GPC5: variants seen among roughly 807,000 people sequenced by gnomAD.
GPC5 encodes the protein glypican-5.
In GPC5, 47 loss-of-function variants were observed where a neutral mutation model predicts 53.9. The observed-to-expected ratio is 0.87, with a 90% CI of 0.69 to 1.11. The LOEUF (loss-of-function observed/expected upper bound fraction) is 1.11. Ranked by LOEUF, GPC5 falls within the 50% of genes most tolerant of loss-of-function variation. The pLI is 0.00. For missense variants in GPC5, 748 were observed against 713.1 expected (o/e 1.05, Z -0.56); for synonymous variants, 286 against 263.3 (o/e 1.09, Z -0.84).
At chr13:92,494,311 G>C (rs541190608) in intron 7 of GPC5, among the ~76,000 whole-genome samples, 35 of 152,180 alleles carry the variant, frequency 2.3e-4, no homozygotes, top group Non-Finnish European at 4.3e-4. Flanking sequence ...GGATGGTCTC[G>C]ATCTCCTGAC....
chr13:91,502,163 A>G lies in GPC5; in HGVS notation c.325+53241A>G, dbSNP rs184153433. On this transcript the variant is annotated intron_variant, in intron 2 of 7. Transcript: ENST00000377067. ...GATATTAGCCCTTTGTCAGATGAGT[A>G]GATTGCAAAAATTTTCTCCCATTCT... Among the ~76,000 whole-genome samples, 1,126 of 152,204 alleles carry G rather than the reference A, an allele frequency of 7.4e-3. 15 individuals are homozygous for G. Among genetic ancestry groups the G allele is most frequent in the African/African-American group, 0.025 (1,018 of 41,524 alleles).
intron 6 of GPC5, among the ~76,000 whole-genome samples, chr13:92,061,064 TG>T (rs1418422446): frequency 1.3e-5 from 2 of 149,346 alleles, no homozygotes; most frequent in East Asian, 4.1e-4. Context: ...TATGGTGGTT[TG>T]TATAGACCCC....
chr13:92,352,448 A>G (rs1478661426), intron 7 of GPC5, among the ~76,000 whole-genome samples: 4 of 152,228 alleles, frequency 2.6e-5, no homozygotes, highest in East Asian at 1.9e-4. Context: ...AAACTTGGAT[A>G]ATTGTACACA....
chr13:92,426,867 T>C (rs191332918), intron 7 of GPC5, among the ~76,000 whole-genome samples: 6 of 152,122 alleles, frequency 3.9e-5, no homozygotes, highest in Admixed American at 2.0e-4. Flanking sequence ...TACTTAACTG[T>C]AGAGAATTAA....
intron 7 of GPC5, among the ~76,000 whole-genome samples, chr13:92,614,865 T>G (rs1467095145): frequency 6.6e-6 from 1 of 152,224 alleles, no homozygotes; most frequent in Non-Finnish European, 1.5e-5. Context: ...CAAGTTCGAA[T>G]TGCAGATCTA....
intron 5 of GPC5, among the ~76,000 whole-genome samples, chr13:91,904,915 C>T (rs1201116291): frequency 5.9e-5 from 9 of 152,014 alleles, no homozygotes; most frequent in Admixed American, 3.9e-4. Flanking sequence ...CCCTGTGTCT[C>T]CTAATGAGGG....
At chr13:91,573,851 T>C (rs2032035278) in intron 2 of GPC5, among the ~76,000 whole-genome samples, 1 of 152,118 alleles carries the variant, frequency 6.6e-6, no homozygotes. Context: ...AAATGAAAAT[T>C]TATCCCTCTT....
chr13:92,159,557 G>A (rs1254486605), intron 7 of GPC5, among the ~76,000 whole-genome samples: 1 of 140,992 alleles, frequency 7.1e-6, no homozygotes, highest in East Asian at 2.2e-4. Context: ...TTAAAAACTA[G>A]AATTGCTGCT....
chr13:92,610,004 C>G (rs12870292), intron 7 of GPC5, among the ~76,000 whole-genome samples: 1 of 118,974 alleles, frequency 8.4e-6, no homozygotes, highest in Non-Finnish European at 1.6e-5. Flanking sequence ...GCACTCCAGT[C>G]TGAGCAACAG....
At chr13:92,559,528 A>G (rs1001443449) in intron 7 of GPC5, among the ~76,000 whole-genome samples, 4 of 151,580 alleles carry the variant, frequency 2.6e-5, no homozygotes, top group Non-Finnish European at 5.9e-5. Flanking sequence ...AAATGAACCA[A>G]TCTAGAGCCA....
chr13:91,872,765 C>G (rs1461285151), intron 5 of GPC5, among the ~76,000 whole-genome samples: 1 of 152,062 alleles, frequency 6.6e-6, no homozygotes, highest in African/African-American at 2.4e-5. Context: ...ATTTTATATA[C>G]ATCGTGCTTT....
At chr13:92,166,695 T>C (rs1331641325) in intron 7 of GPC5, among the ~76,000 whole-genome samples, 5 of 152,132 alleles carry the variant, frequency 3.3e-5, no homozygotes, top group African/African-American at 1.2e-4. Context: ...GAAAAGAGAA[T>C]AGAATACCCT....
intron 6 of GPC5, among the ~76,000 whole-genome samples, chr13:92,135,232 T>C (rs920901820): frequency 4.2e-4 from 64 of 152,156 alleles, no homozygotes; most frequent in Admixed American, 1.3e-4. Context: ...GTTTGCTTTT[T>C]CACAAATTTT....
intron 7 of GPC5, among the ~76,000 whole-genome samples, chr13:92,221,330 A>T (rs2042446932): frequency 6.6e-6 from 1 of 152,164 alleles, no homozygotes; most frequent in African/African-American, 2.4e-5. Context: ...GCTTTGTCTT[A>T]TCATATACAG....
At chr13:91,572,098 T>G in intron 2 of GPC5, among the ~76,000 whole-genome samples, 1 of 131,030 alleles carries the variant, frequency 7.6e-6, no homozygotes, top group South Asian at 2.3e-4. Flanking sequence ...TACATGTGTG[T>G]GTATATACAC....
chr13:92,482,989 A>G (rs550449566), intron 7 of GPC5, among the ~76,000 whole-genome samples: 31 of 152,304 alleles, frequency 2.0e-4, no homozygotes, highest in Non-Finnish European at 3.2e-4. Context: ...AAGGAGAAGC[A>G]AAGGCACGTC....
rs149286641 is a variant in GPC5, at chr13:92,393,361, T to A, written c.1561+248372T>A. On this transcript the variant is annotated intron_variant, in intron 7 of 7. Transcript: ENST00000377067. Reference sequence around the variant, plus strand: ...ATGGGAGCTAAATAATACGAACTTATGAACACAGGCCGGTGCAGTGGCTCA... The same window carrying A: ...ATGGGAGCTAAATAATACGAACTTAAGAACACAGGCCGGTGCAGTGGCTCA... Among the ~76,000 whole-genome samples, 31 of 152,282 alleles carry A rather than the reference T, an allele frequency of 2.0e-4. 1 individual carries two copies. In the East Asian group the frequency reaches 6.0e-3, roughly 29 times the overall value.
intron 6 of GPC5, among the ~76,000 whole-genome samples, chr13:92,099,704 C>A (rs957717553): frequency 1.3e-5 from 2 of 152,154 alleles, no homozygotes; most frequent in African/African-American, 4.8e-5. Context: ...CTGCTTTTCC[C>A]TTGTCTTGGA....
intron 7 of GPC5, among the ~76,000 whole-genome samples, chr13:92,332,821 T>C (rs932625698): frequency 6.6e-6 from 1 of 152,180 alleles, no homozygotes; most frequent in Non-Finnish European, 1.5e-5. Flanking sequence ...AGAAAGTAGA[T>C]ACTTTCTTTT....
Sources: allele counts gnomAD v4.1 joint callset (sites outside exome capture counted in the v4.1 genomes callset), GRCh38; gene constraint gnomAD v4.1.1; transcripts MANE v1.5; gene names NCBI Gene and HGNC (gene_info 2026-07-23, HGNC 2026-07-21).